The following RASGRF2 variants were observed in gnomAD, a reference collection of about 807,000 sequenced individuals.
The protein encoded by RASGRF2 is Ras protein specific guanine nucleotide releasing factor 2.
RASGRF2 carries 76 observed loss-of-function variants against 151.0 expected under a neutral mutation model. The ratio of observed to expected loss-of-function variants is 0.50; its 90% CI spans 0.42 to 0.61. RASGRF2 has a LOEUF of 0.61. Ranked by LOEUF, RASGRF2 falls within the 20% of genes least tolerant of loss-of-function variation. The probability of loss-of-function intolerance (pLI) is 0.00; values close to 1 mark genes in which losing one functional copy is unlikely to be tolerated. For synonymous variants in RASGRF2, 504 were observed against 566.5 expected (o/e 0.89, Z 1.57); for missense variants, 1,148 against 1,564.6 (o/e 0.73, Z 4.49).
intron 17 of RASGRF2, among the ~76,000 whole-genome samples, chr5:81,158,586 A>T (rs1754313802): frequency 6.6e-6 from 1 of 152,308 alleles, no homozygotes; most frequent in East Asian, 1.9e-4. Context: ...TACGAAATAT[A>T]TAAAGAAGTT....
At chr5:81,016,444 T>C (rs893496319) in intron 1 of RASGRF2, among the ~76,000 whole-genome samples, 1 of 152,196 alleles carries the variant, frequency 6.6e-6, no homozygotes, top group African/African-American at 2.4e-5. Context: ...CTCTTAGGCA[T>C]TCTTAAAATG....
At chr5:81,122,584 T>C (rs1753339031) in intron 15 of RASGRF2, among the ~76,000 whole-genome samples, 1 of 152,214 alleles carries the variant, frequency 6.6e-6, no homozygotes, top group South Asian at 2.1e-4. Flanking sequence ...TGAAAGTTTG[T>C]TGAGTGAAAT....
chr5:81,141,268 T>C (rs977950662), intron 17 of RASGRF2, among the ~76,000 whole-genome samples: 1 of 152,186 alleles, frequency 6.6e-6, no homozygotes, highest in Admixed American at 6.5e-5. Context: ...GTATCTTCTA[T>C]TCCTTTTACT....
chr5:81,085,482 C>T (rs1162860214), intron 7 of RASGRF2, among the ~76,000 whole-genome samples: 1 of 151,970 alleles, frequency 6.6e-6, no homozygotes, highest in Non-Finnish European at 1.5e-5. Context: ...TATCTGTTTC[C>T]CTCTGAACCA....
chr5:81,094,266 C>G lies in RASGRF2; in HGVS notation c.1552-30C>G. 17 of 1,572,774 alleles carry G rather than the reference C, an allele frequency of 1.1e-5. 1 individual carries two copies. The highest frequency in any genetic ancestry group is 1.5e-5 in the Non-Finnish European group (17 of 1,144,140). On this transcript the variant is annotated intron_variant, in intron 10 of 26. Coordinates refer to ENST00000265080, the MANE Select transcript of RASGRF2 (RefSeq NM_006909.3). ...TTCCCAATCTACACAAGACCTTCAGCGTCTTAGTGAAAAATTGGTTTGTTT... is the reference window on the plus strand; with the variant it reads ...TTCCCAATCTACACAAGACCTTCAGGGTCTTAGTGAAAAATTGGTTTGTTT...
chr5:81,043,641 C>A (rs1205400654), intron 2 of RASGRF2, among the ~76,000 whole-genome samples: 4 of 152,182 alleles, frequency 2.6e-5, no homozygotes, highest in African/African-American at 9.6e-5. Context: ...AATCCCTAAA[C>A]CTGGTTCAGT....
At chr5:81,100,433 C>T (rs1752670571) in intron 12 of RASGRF2, among the ~76,000 whole-genome samples, 1 of 152,130 alleles carries the variant, frequency 6.6e-6, no homozygotes, top group South Asian at 2.1e-4. Context: ...GGAACGATTG[C>T]TTGAATGATT....
intron 17 of RASGRF2, among the ~76,000 whole-genome samples, chr5:81,153,879 G>A (rs1448722157): frequency 2.0e-5 from 3 of 148,456 alleles, no homozygotes; most frequent in Admixed American, 6.7e-5. Context: ...GATATTCCAC[G>A]TAAAAAAAAT....
At chr5:81,117,298 C>G (rs1753187817) in intron 15 of RASGRF2, among the ~76,000 whole-genome samples, 2 of 152,256 alleles carry the variant, frequency 1.3e-5, no homozygotes, top group Admixed American at 1.3e-4. Flanking sequence ...ATTTATTTCT[C>G]ACAATTCTGG....
intron 18 of RASGRF2, among the ~76,000 whole-genome samples, chr5:81,184,254 C>T (rs916457616): frequency 1.3e-5 from 2 of 152,166 alleles, no homozygotes; most frequent in Non-Finnish European, 2.9e-5. Flanking sequence ...TTGAGCATCT[C>T]CTGCTGGGAG....
chr5:81,134,599 A>G (rs1753709425), intron 17 of RASGRF2, among the ~76,000 whole-genome samples: 1 of 152,206 alleles, frequency 6.6e-6, no homozygotes, highest in South Asian at 2.1e-4. Flanking sequence ...TGTCTTTTAC[A>G]GGCTCTTTAG....
At chr5:81,150,873 A>G (rs574937388) in intron 17 of RASGRF2, among the ~76,000 whole-genome samples, 2 of 152,232 alleles carry the variant, frequency 1.3e-5, no homozygotes, top group Non-Finnish European at 2.9e-5. Context: ...GATGCTGTGT[A>G]TAATGACAGA....
At chr5:80,983,972 T>TAAAA (rs1748395616) in intron 1 of RASGRF2, among the ~76,000 whole-genome samples, 2 of 152,366 alleles carry the variant, frequency 1.3e-5, no homozygotes, top group Admixed American at 1.3e-4. Context: ...TGTCCAGTGC[T>TAAAA]GATCTATAAT....
At chr5:80,995,780 C>T (rs1323744326) in intron 1 of RASGRF2, among the ~76,000 whole-genome samples, 1 of 147,752 alleles carries the variant, frequency 6.8e-6, no homozygotes, top group East Asian at 2.0e-4. Flanking sequence ...GCAACCTGCG[C>T]CTCCCGGGTT....
intron 1 of RASGRF2, among the ~76,000 whole-genome samples, chr5:81,016,094 T>TGTCACAA (rs1749627708): frequency 6.6e-6 from 1 of 152,214 alleles, no homozygotes; most frequent in South Asian, 2.1e-4. Context: ...GCTATCTCTC[T>TGTCACAA]GTAAACAAGT....
At chr5:81,145,780 G>T (rs991923218) in intron 17 of RASGRF2, among the ~76,000 whole-genome samples, 4 of 152,194 alleles carry the variant, frequency 2.6e-5, no homozygotes, top group African/African-American at 7.2e-5. Flanking sequence ...GCATGGCCCT[G>T]AGCCCGATCC....
At chr5:81,124,559 G>C (rs1753399863) in intron 16 of RASGRF2, among the ~76,000 whole-genome samples, 1 of 152,108 alleles carries the variant, frequency 6.6e-6, no homozygotes, top group African/African-American at 2.4e-5. Context: ...ATAAGGTCCA[G>C]GTACATGGGA....
At chr5:81,058,004 T>A (rs927121544) in intron 2 of RASGRF2, among the ~76,000 whole-genome samples, 4 of 151,372 alleles carry the variant, frequency 2.6e-5, no homozygotes, top group Admixed American at 2.0e-4. Context: ...TCAAAAATAA[T>A]TAATTAATTA....
chr5:81,171,306 AG>A (rs1386585851), intron 17 of RASGRF2, among the ~76,000 whole-genome samples: 1 of 152,194 alleles, frequency 6.6e-6, no homozygotes. Flanking sequence ...AGAAATACAG[AG>A]GGTTTTAAAA....
Sources: allele counts gnomAD v4.1 joint callset (sites outside exome capture counted in the v4.1 genomes callset), GRCh38; gene constraint gnomAD v4.1.1; transcripts MANE v1.5; gene names NCBI Gene and HGNC (gene_info 2026-07-23, HGNC 2026-07-21).